ROBO2: variants seen among roughly 807,000 people sequenced by gnomAD.
ROBO2 encodes the protein roundabout guidance receptor 2.
Under a neutral mutation model 160.8 loss-of-function variants are expected in ROBO2, and 53 were observed. The observed-to-expected ratio is 0.33, with a 90% CI of 0.26 to 0.41. The LOEUF is 0.41. ROBO2 is among the 10% of genes least tolerant of loss of function. The pLI is 1.00. For missense variants in ROBO2, 1,577 were observed against 1,722.4 expected, an observed-to-expected ratio of 0.92 and a Z score of 1.49; for synonymous variants, 664 against 611.7, an observed-to-expected ratio of 1.09 and a Z score of -1.26.
rs1559668990 is a variant in ROBO2, at chr3:76,233,682, C to CAT, written c.109+296080_109+296081insAT. Among the ~76,000 whole-genome samples the CAT allele has an allele frequency of 7.7e-4, 117 of 151,986 alleles. 1 individual carries two copies. The South Asian group carries it at 0.012, about 15-fold the overall frequency. The stretch of plus-strand genomic sequence containing the variant: ...ATTACTAAGTTGTTAAATTCAAGCA[C>CAT]GTCATTTCTTCATGCCCGGACTTAT... On this transcript the variant is annotated intron_variant, in intron 2 of 26. Transcript: ENST00000487694.
chr3:77,219,828 A>G (rs13070655), intron 2 of ROBO2, among the ~76,000 whole-genome samples: 29,599 of 151,322 alleles, frequency 0.2, 3,318 homozygotes, highest in Middle Eastern at 0.32. Context: ...GAAAATTTGT[A>G]GATCTTTGAA....
chr3:76,429,190 A>ACACC (rs1210515831), intron 2 of ROBO2, among the ~76,000 whole-genome samples: 2 of 151,956 alleles, frequency 1.3e-5, no homozygotes, highest in African/African-American at 2.4e-5. Context: ...ACACACACAC[A>ACACC]CACCCACTCA....
chr3:76,328,175 A>G lies in ROBO2; in HGVS notation c.109+390573A>G, dbSNP rs1215934896. ...ATCTATCTTGGGACCATTAATATTTATTGTCACTAGAAGTTTGAGCAGAGC... is the reference window on the plus strand; with the variant it reads ...ATCTATCTTGGGACCATTAATATTTGTTGTCACTAGAAGTTTGAGCAGAGC... On this transcript the variant is annotated intron_variant, in intron 2 of 26. Transcript: ENST00000487694. Among the ~76,000 whole-genome samples, 3 of 152,290 alleles carry G rather than the reference A, an allele frequency of 2.0e-5. No homozygotes were observed. The South Asian group carries it at 6.2e-4, about 32-fold the overall frequency.
chr3:76,813,064 A>G (rs2065343445), intron 2 of ROBO2, among the ~76,000 whole-genome samples: 1 of 151,986 alleles, frequency 6.6e-6, no homozygotes, highest in African/African-American at 2.4e-5. Flanking sequence ...AACTTGGAAG[A>G]ATATTAAAAC....
chr3:76,457,212 G>A (rs1424059425), intron 2 of ROBO2, among the ~76,000 whole-genome samples: 1 of 152,168 alleles, frequency 6.6e-6, no homozygotes, highest in East Asian at 1.9e-4. Flanking sequence ...TTCTGCCTAT[G>A]AGCCTGTAAA....
chr3:76,507,354 T>C (rs1265276377), intron 2 of ROBO2, among the ~76,000 whole-genome samples: 1 of 152,076 alleles, frequency 6.6e-6, no homozygotes, highest in African/African-American at 2.4e-5. Flanking sequence ...TCTAGCTATA[T>C]AACCCTCACT....
chr3:76,146,076 G>A (rs1447675141), intron 2 of ROBO2, among the ~76,000 whole-genome samples: 6 of 151,508 alleles, frequency 4.0e-5, no homozygotes, highest in East Asian at 3.9e-4. Context: ...GTAATTAATC[G>A]CTTACATTTA....
intron 2 of ROBO2, among the ~76,000 whole-genome samples, chr3:76,256,195 A>C (rs1310249013): frequency 6.6e-6 from 1 of 152,048 alleles, no homozygotes; most frequent in Non-Finnish European, 1.5e-5. Context: ...TTGTAGTCCC[A>C]GCTGCTAGGG....
At chr3:75,918,593 G>A (rs1946904094) in intron 1 of ROBO2, among the ~76,000 whole-genome samples, 1 of 152,092 alleles carries the variant, frequency 6.6e-6, no homozygotes, top group African/African-American at 2.4e-5. Flanking sequence ...AGCTTGATGG[G>A]AATAGCATTG....
At chr3:77,301,578 T>C (rs2062660135) in intron 2 of ROBO2, among the ~76,000 whole-genome samples, 1 of 152,230 alleles carries the variant, frequency 6.6e-6, no homozygotes, top group South Asian at 2.1e-4. Flanking sequence ...TACATATAGG[T>C]GTGGATATCT....
At chr3:75,965,812 G>A (rs9835514) in intron 2 of ROBO2, among the ~76,000 whole-genome samples, 5 of 151,496 alleles carry the variant, frequency 3.3e-5, no homozygotes, top group Non-Finnish European at 5.9e-5. Flanking sequence ...CAATTTCCCA[G>A]AACTCTAATA....
At position 77,342,631 on chromosome 3, in the gene ROBO2, C is replaced by G. The variant is rs569750263; in HGVS notation, c.389-134783C>G. Among the ~76,000 whole-genome samples the G allele has an allele frequency of 2.6e-5, 4 of 152,222 alleles. No individual in the cohort carries two copies. The East Asian group carries it at 5.8e-4, about 22-fold the overall frequency. On this transcript the variant is annotated intron_variant, in intron 2 of 25. Coordinates refer to ENST00000461745, the Ensembl canonical transcript of ROBO2. ...AGAGAGCTAGAAGACTCCCCATTTG[C>G]TGCCACTGTGGTATTGTCCTTTTGA...
At chr3:76,693,714 A>C (rs149217093) in intron 2 of ROBO2, among the ~76,000 whole-genome samples, 6 of 152,128 alleles carry the variant, frequency 3.9e-5, no homozygotes, top group Non-Finnish European at 8.8e-5. Context: ...ACATGGGGCC[A>C]CTGGTGCAAG....
rs980473631 is a variant in ROBO2 at position 77,596,629 on chromosome 3, A to G, written c.2733A>G (p.Pro911=). Residue 911 remains proline, a synonymous_variant, in exon 19 of 26, where the codon CCA becomes CCG. Transcript: ENST00000461745. ...CTTGTAATTTCTGTTTTAGCCGTCC[A>G]GGTCTTCTCAATGCTGGTGATCCCA... is the stretch of plus-strand genomic sequence containing the variant. 4 of 1,613,808 alleles carry G rather than the reference A, an allele frequency of 2.5e-6. No individual in the cohort carries two copies. In the African/African-American group the frequency reaches 4.0e-5, roughly 16 times the overall value.
chr3:76,402,948 A>C (rs1348788464), intron 2 of ROBO2, among the ~76,000 whole-genome samples: 1 of 151,596 alleles, frequency 6.6e-6, no homozygotes, highest in East Asian at 1.9e-4. Flanking sequence ...CATACTTAGA[A>C]GTTTTGGAAA....
intron 2 of ROBO2, among the ~76,000 whole-genome samples, chr3:76,594,054 G>A (rs2086589687): frequency 2.6e-5 from 4 of 151,962 alleles, no homozygotes; most frequent in Admixed American, 2.6e-4. Context: ...AAATCTTACA[G>A]GAAAGCAGTA....
intron 1 of ROBO2, among the ~76,000 whole-genome samples, chr3:77,049,792 A>G (rs375189298): frequency 1.3e-5 from 2 of 152,310 alleles, no homozygotes; most frequent in East Asian, 1.9e-4. Context: ...TAACTCAACT[A>G]TCCCACTGAA....
chr3:76,339,808 T>C lies in ROBO2; in HGVS notation c.109+402206T>C, dbSNP rs538263062. The stretch of plus-strand genomic sequence containing the variant: ...TGTTATTAATCGTTACAATAATTCA[T>C]ATGTTTATATCTCCAAGTTTATTAA... On this transcript the variant is annotated intron_variant, in intron 2 of 26. Coordinates refer to the ROBO2 transcript ENST00000487694. Among the ~76,000 whole-genome samples the C allele has an allele frequency of 2.0e-5, 3 of 152,300 alleles. No homozygotes were observed. The South Asian group carries it at 6.2e-4, about 32-fold the overall frequency.
intron 2 of ROBO2, among the ~76,000 whole-genome samples, chr3:76,228,342 T>C (rs1704417440): frequency 6.6e-6 from 1 of 152,200 alleles, no homozygotes; most frequent in African/African-American, 2.4e-5. Context: ...GACAGTACCA[T>C]GTATTCCTTC....
Sources: allele counts gnomAD v4.1 joint callset (sites outside exome capture counted in the v4.1 genomes callset), GRCh38; gene constraint gnomAD v4.1.1; transcripts MANE v1.5; gene names NCBI Gene and HGNC (gene_info 2026-07-23, HGNC 2026-07-21).